STOX2: variants seen among roughly 807,000 people sequenced by gnomAD.
STOX2 encodes storkhead-box protein 2.
STOX2 carries 28 observed loss-of-function variants against 60.9 expected under a neutral mutation model. The observed-to-expected ratio is 0.46, with a 90% CI of 0.34 to 0.63. The LOEUF (loss-of-function observed/expected upper bound fraction) is 0.63. Among genes scored for constraint, STOX2 ranks in the 30% least tolerant of loss-of-function variants. The probability of loss-of-function intolerance (pLI) is 0.01; values close to 1 mark genes in which losing one functional copy is unlikely to be tolerated. For missense variants in STOX2, 1,024 were observed against 1,187.7 expected (o/e 0.86, Z 2.03); for synonymous variants, 472 against 463.9 (o/e 1.02, Z -0.22).
chr4:183,857,412 TCA>T (rs1451075911), intron 1 of STOX2, among the ~76,000 whole-genome samples: 1 of 17,714 alleles, frequency 5.6e-5, no homozygotes. Flanking sequence ...ATAGGATTGG[TCA>T]TCCCACAGGA....
chr4:184,014,299 C>G (rs529291263), intron 3 of STOX2: 10 of 152,026 alleles, frequency 6.6e-5, no homozygotes, highest in African/African-American at 2.4e-4. Context: ...GCTATGAGAT[C>G]TAATATTGAA....
chr4:183,832,151 G>A (rs1368130556), intron 1 of STOX2, among the ~76,000 whole-genome samples: 1 of 151,686 alleles, frequency 6.6e-6, no homozygotes, highest in African/African-American at 2.4e-5. Flanking sequence ...CACCATGCCC[G>A]GCTAATTTTT....
intron 1 of STOX2, among the ~76,000 whole-genome samples, chr4:183,864,575 G>A (rs1393458549): frequency 6.6e-6 from 1 of 152,054 alleles, no homozygotes; most frequent in Admixed American, 6.5e-5. Flanking sequence ...TGTATTTTTA[G>A]TAGAGATGGG....
chr4:183,921,755 A>T (rs1198782958), intron 1 of STOX2, among the ~76,000 whole-genome samples: 2 of 152,252 alleles, frequency 1.3e-5, no homozygotes, highest in Non-Finnish European at 2.9e-5. Context: ...CTAAAAGACC[A>T]AAATTGCTTT....
At chr4:183,804,476 G>A (rs1254108835) in intron 1 of STOX2, among the ~76,000 whole-genome samples, 1 of 152,258 alleles carries the variant, frequency 6.6e-6, no homozygotes, top group South Asian at 2.1e-4. Context: ...AGGTGTGACT[G>A]CAGCTGAGGT....
chr4:183,974,757 C>A (rs1366137718), intron 1 of STOX2, among the ~76,000 whole-genome samples: 1 of 152,108 alleles, frequency 6.6e-6, no homozygotes, highest in Non-Finnish European at 1.5e-5. Context: ...TAGTTAGGGG[C>A]TTCAACACAG....
chr4:183,906,309 G>T lies in STOX2; in HGVS notation c.-482G>T, dbSNP rs1579397402. ...CCGCCGCCCCTCCGGCCTCCCGCAC[G>T]CCCGATCCCGGGTCAGCCCCGGAGG... On this transcript the variant is annotated 5_prime_UTR_variant, in exon 1 of 4. Transcript: ENST00000308497. 6.6e-6 allele frequency: 1 copy of T among 152,484 alleles called. No individual in the cohort carries two copies. The allele number at this position is 152,484 out of a possible 1,614,324, so 9.4% of individuals were successfully genotyped here.
At chr4:183,963,921 G>A (rs970899980) in intron 1 of STOX2, among the ~76,000 whole-genome samples, 14 of 151,654 alleles carry the variant, frequency 9.2e-5, no homozygotes, top group Admixed American at 4.6e-4. Context: ...GACTACAGGC[G>A]CCCACCACCA....
chr4:183,964,815 C>T (rs1342662890), intron 1 of STOX2, among the ~76,000 whole-genome samples: 1 of 152,098 alleles, frequency 6.6e-6, no homozygotes, highest in African/African-American at 2.4e-5. Context: ...AACTCCCGAC[C>T]CTAGGTGATT....
intron 1 of STOX2, among the ~76,000 whole-genome samples, chr4:183,843,780 G>A (rs1177872537): frequency 2.0e-5 from 3 of 152,106 alleles, no homozygotes; most frequent in African/African-American, 7.2e-5. Context: ...TACCATGAAA[G>A]AACATTTCAA....
chr4:183,891,516 C>T (rs1187692946), intron 1 of STOX2, among the ~76,000 whole-genome samples: 2 of 150,530 alleles, frequency 1.3e-5, no homozygotes, highest in Non-Finnish European at 3.0e-5. Flanking sequence ...AATGGAAAAC[C>T]AAATGTTGTA....
At chr4:183,862,966 A>C (rs1351519626) in intron 1 of STOX2, among the ~76,000 whole-genome samples, 2 of 151,908 alleles carry the variant, frequency 1.3e-5, no homozygotes, top group Non-Finnish European at 2.9e-5. Context: ...TTGTTGCAGA[A>C]CTCCTTTTAC....
chr4:183,999,853 C>A (rs1733509467), intron 1 of STOX2, among the ~76,000 whole-genome samples: 1 of 152,132 alleles, frequency 6.6e-6, no homozygotes, highest in South Asian at 2.1e-4. Context: ...GAGGTTGGTC[C>A]ACCTCAGAGC....
rs1339028896 is a variant in STOX2 at position 183,957,023 on chromosome 4, A to G, written c.167-44302A>G. Among the ~76,000 whole-genome samples, 19 of 79,774 alleles carry G rather than the reference A, an allele frequency of 2.4e-4. No homozygotes were observed. In the East Asian group the frequency reaches 6.8e-3, roughly 29 times the overall value. 52.3% of individuals were successfully genotyped at this position (79,774 alleles called of 152,430 possible). A position where few individuals can be genotyped will look rare whatever the true frequency, so the allele number is the denominator to read the frequency against. On this transcript the variant is annotated intron_variant, in intron 1 of 3. Coordinates refer to ENST00000308497, the MANE Select transcript of STOX2 (RefSeq NM_020225.3). ...AGTGTTGTGGGGTGGGGGTGGGGGG[A>G]GGGATAGCATTAGGAGATATACCTA...
At chr4:183,977,856 C>A (rs575500228) in intron 1 of STOX2, among the ~76,000 whole-genome samples, 3 of 152,182 alleles carry the variant, frequency 2.0e-5, no homozygotes, top group Admixed American at 2.0e-4. Context: ...ATCTGTTGAT[C>A]AGTGATGTTT....
intron 1 of STOX2, among the ~76,000 whole-genome samples, chr4:183,837,480 A>G (rs1293088323): frequency 6.7e-6 from 1 of 149,780 alleles, no homozygotes; most frequent in Non-Finnish European, 1.5e-5. Context: ...TTTCTTTGAG[A>G]TAGAGTCTCT....
chr4:183,971,633 C>T (rs1743745119), intron 1 of STOX2, among the ~76,000 whole-genome samples: 1 of 152,156 alleles, frequency 6.6e-6, no homozygotes, highest in South Asian at 2.1e-4. Context: ...TGGGAAAAGG[C>T]TAAGTGTCTG....
At chr4:183,882,044 G>A (rs1178448107) in intron 1 of STOX2, among the ~76,000 whole-genome samples, 2 of 152,222 alleles carry the variant, frequency 1.3e-5, no homozygotes, top group East Asian at 1.9e-4. Context: ...GGCCAGCAGG[G>A]CTATGTGAGA....
chr4:183,909,038 A>C (rs1741704001), intron 1 of STOX2, among the ~76,000 whole-genome samples: 1 of 152,246 alleles, frequency 6.6e-6, no homozygotes, highest in Non-Finnish European at 1.5e-5. Context: ...TAATACATGG[A>C]ATAAGAAGCA....
Sources: allele counts gnomAD v4.1 joint callset (sites outside exome capture counted in the v4.1 genomes callset), GRCh38; gene constraint gnomAD v4.1.1; transcripts MANE v1.5; gene names NCBI Gene and HGNC (gene_info 2026-07-23, HGNC 2026-07-21).